CAMLG: variants seen among roughly 807,000 people sequenced by gnomAD.
The protein encoded by CAMLG is calcium modulating ligand.
CAMLG carries 23 observed loss-of-function variants against 28.9 expected under a neutral mutation model. The ratio of observed to expected loss-of-function variants is 0.80; its 90% confidence interval spans 0.57 to 1.13. The LOEUF is 1.13. Ranked by LOEUF, CAMLG falls within the 50% of genes most tolerant of loss-of-function variation. The pLI, the probability that CAMLG is intolerant of heterozygous loss-of-function variation, is 0.00. For missense variants in CAMLG, 367 were observed against 371.9 expected, an observed-to-expected ratio of 0.99 and a Z score of 0.11; for synonymous variants, 141 against 146.5, an observed-to-expected ratio of 0.96 and a Z score of 0.27.
chr5:134,744,173 G>A (rs1753017864), intron 3 of CAMLG, 121 bp downstream of exon 3: 2 of 579,036 alleles, frequency 3.5e-6, no homozygotes, highest in Non-Finnish European at 6.1e-6. Context: ...CTCAAAGTGT[G>A]GTTTGCCCAC....
rs564399763 is a variant in CAMLG at position 134,741,740 on chromosome 5, C to T, written c.633+217C>T. On this transcript the variant is annotated intron_variant, in intron 2 of 3. Coordinates refer to ENST00000297156, the MANE Select transcript of CAMLG (RefSeq NM_001745.4). ...AATAATTACTGTTGGCCCTCCATAT[C>T]AGTTGGTTCTGCACCCTATGTGGAT... Among the ~76,000 whole-genome samples the T allele has an allele frequency of 3.0e-4, 45 of 152,300 alleles. 1 individual carries two copies. In the South Asian group the frequency reaches 8.7e-3, roughly 29 times the overall value.
chr5:134,740,833 C>A (rs1022540846), intron 1 of CAMLG, among the ~76,000 whole-genome samples: 1 of 152,184 alleles, frequency 6.6e-6, no homozygotes, highest in African/African-American at 2.4e-5. Context: ...TGGTCTCAAT[C>A]TCTTGACCTC....
rs771353868 is a variant in CAMLG at position 134,738,647 on chromosome 5, C to T, written c.27C>T (p.Asp9=). The part of the protein sequence containing the change: MESMAVAT[D]GGERPGVPAG... The stretch of plus-strand genomic sequence containing the variant: ...TGGAGTCGATGGCCGTCGCTACCGA[C>T]GGCGGGGAGAGGCCGGGGGTCCCAG... The change falls in exon 1 of 4, where the codon GAC becomes GAT. Residue 9 remains aspartate, a synonymous_variant. Transcript: ENST00000297156. 1.2e-6 allele frequency: 2 copies of T among 1,612,174 alleles called. No individual in the cohort carries two copies. Among genetic ancestry groups the T allele is most frequent in the African/African-American group, 1.3e-5 (1 of 75,000 alleles).
intron 1 of CAMLG, among the ~76,000 whole-genome samples, chr5:134,740,088 T>C (rs1481266234): frequency 6.6e-6 from 1 of 152,118 alleles, no homozygotes; most frequent in African/African-American, 2.4e-5. Context: ...TCTCACTATG[T>C]TTCCTAAGCT....
In CAMLG at chr5:134,738,676, G is replaced by A. The variant is rs781071324; in HGVS notation, c.56G>A (p.Gly19Asp). Residue 19 changes from glycine to aspartate, a missense_variant, in exon 1 of 4, where the codon GGC (glycine) becomes GAC (aspartate). Transcript: ENST00000297156. ...GGGGAGAGGCCGGGGGTCCCAGCGG[G>A]CTCAGGTCTGTCGGCTTCCCAGCGT... ...DGGERPGVPA[G>D]SGLSASQRRA... 2 of 1,613,722 alleles carry A rather than the reference G, an allele frequency of 1.2e-6. No homozygotes were observed. The highest frequency in any genetic ancestry group is 2.2e-5 in the East Asian group (1 of 44,868).
At chr5:134,743,413 C>A (rs1753007102) in intron 2 of CAMLG, among the ~76,000 whole-genome samples, 1 of 152,008 alleles carries the variant, frequency 6.6e-6, no homozygotes, top group South Asian at 2.1e-4. Context: ...ATTTTCTTCA[C>A]CCTTCTGCAG....
chr5:134,748,094 C>G (rs991817805), intron 3 of CAMLG, among the ~76,000 whole-genome samples: 1 of 151,476 alleles, frequency 6.6e-6, no homozygotes, highest in African/African-American at 2.4e-5. Flanking sequence ...GATCTCCTGA[C>G]CTGATTATCT....
Position 134,750,748 on chromosome 5 carries a change from T to G in CAMLG, c.700-11T>G. 6.2e-7 allele frequency: 1 copy of G among 1,601,760 alleles called. No individual in the cohort carries two copies. The highest frequency in any genetic ancestry group is 8.5e-7 in the Non-Finnish European group (1 of 1,169,822). On this transcript the variant is annotated splice_polypyrimidine_tract_variant and intron_variant, in intron 3 of 3. Coordinates refer to ENST00000297156, the MANE Select transcript of CAMLG (RefSeq NM_001745.4). The stretch of plus-strand genomic sequence containing the variant: ...AACTTTGAAGATTAATTTGAGTCTT[T>G]CTCTACACAGAGTGAAAAGAAGATA...
intron 3 of CAMLG, among the ~76,000 whole-genome samples, chr5:134,746,632 A>C (rs1247023241): frequency 6.6e-6 from 1 of 151,980 alleles, no homozygotes; most frequent in Non-Finnish European, 1.5e-5. Context: ...GTGAGTGACC[A>C]CACCCACTTA....
chr5:134,739,424 G>A (rs765617988), intron 1 of CAMLG, among the ~76,000 whole-genome samples: 1 of 152,166 alleles, frequency 6.6e-6, no homozygotes, highest in South Asian at 2.1e-4. Flanking sequence ...CAGCAAGTGC[G>A]AAGTGCACAC....
Position 134,743,821 on chromosome 5 carries a change from G to C in CAMLG, c.634-166G>C, listed in dbSNP as rs772672044. Among the ~76,000 whole-genome samples, 6 of 151,924 alleles carry C rather than the reference G, an allele frequency of 3.9e-5. No individual in the cohort carries two copies. In the East Asian group the frequency reaches 9.7e-4, roughly 24 times the overall value. On this transcript the variant is annotated intron_variant, in intron 2 of 3. Transcript: ENST00000297156. The stretch of plus-strand genomic sequence containing the variant: ...GTGGATGTTGCCATGAACCAAGATC[G>C]TGCCACTGCACTCAGCCTGGGTGAC...
chr5:134,746,166 G>GT (rs1222886560), intron 3 of CAMLG, among the ~76,000 whole-genome samples: 2 of 147,200 alleles, frequency 1.4e-5, no homozygotes, highest in African/African-American at 5.0e-5. Flanking sequence ...AAATTATAAC[G>GT]TATCTATTCA....
intron 2 of CAMLG, 93 bp downstream of exon 2, chr5:134,741,616 G>A: frequency 1.3e-6 from 1 of 772,722 alleles, no homozygotes; most frequent in Non-Finnish European, 2.1e-6. Context: ...GTCATTGCCA[G>A]TATTAATATC....
rs540504555 is a variant in CAMLG at position 134,740,915 on chromosome 5, G to T, written c.173-148G>T. On this transcript the variant is annotated intron_variant, in intron 1 of 3. Transcript: ENST00000297156. ...GAGCCACGGCACCTGGCCGAAACCA[G>T]CTTTTCTTTAATGCAGAATCGGTAT... 6.6e-5 allele frequency: 42 copies of T among 640,102 alleles called. No homozygotes were observed. The South Asian group carries it at 7.8e-4, about 12-fold the overall frequency. 39.7% of individuals were successfully genotyped at this position (640,102 alleles called of 1,614,324 possible).
At chr5:134,743,692 C>G (rs1753011452) in intron 2 of CAMLG, among the ~76,000 whole-genome samples, 1 of 151,992 alleles carries the variant, frequency 6.6e-6, no homozygotes. Context: ...ATGGTGAAAC[C>G]CTGTCTCTAC....
chr5:134,751,045 C>A lies in CAMLG; in HGVS notation c.*95C>A. ...AAGGAGGCAAATTGGTTTACACCTT[C>A]ATGTAATTCTTTTACTTTAGGGGTT... On this transcript the variant is annotated 3_prime_UTR_variant, in exon 4 of 4. Coordinates refer to ENST00000297156, the MANE Select transcript of CAMLG (RefSeq NM_001745.4). 1 of 808,578 alleles carries A rather than the reference C, an allele frequency of 1.2e-6. No homozygotes were observed. Among genetic ancestry groups the A allele is most frequent in the Non-Finnish European group, 1.9e-6 (1 of 513,666 alleles). The allele number at this position is 808,578 out of a possible 1,614,324, so 50.1% of individuals were successfully genotyped here. A position where few individuals can be genotyped will look rare whatever the true frequency, so the allele number is the denominator to read the frequency against.
intron 3 of CAMLG, among the ~76,000 whole-genome samples, chr5:134,749,854 A>T (rs1753092495): frequency 6.6e-6 from 1 of 152,154 alleles, no homozygotes; most frequent in Non-Finnish European, 1.5e-5. Flanking sequence ...ATGGGACTAC[A>T]GGCTCATGCT....
intron 1 of CAMLG, among the ~76,000 whole-genome samples, chr5:134,739,587 C>T (rs1752959462): frequency 6.6e-6 from 1 of 152,136 alleles, no homozygotes. Flanking sequence ...GAGCAATTAG[C>T]GCGCCCTAGT....
At chr5:134,741,727 T>G (rs906136848) in intron 2 of CAMLG, among the ~76,000 whole-genome samples, 4 of 152,242 alleles carry the variant, frequency 2.6e-5, no homozygotes, top group Non-Finnish European at 5.9e-5. Context: ...TAATTACTGT[T>G]GGCCCTCCAT....
Sources: gnomAD v4.1 joint callset for allele counts (sites outside exome capture counted in the v4.1 genomes callset) on GRCh38, gnomAD v4.1.1 for gene constraint, MANE v1.5 for transcripts, NCBI Gene and HGNC (gene_info 2026-07-23, HGNC 2026-07-21) for gene names.